MCPH1: variants seen among roughly 807,000 people sequenced by gnomAD.
MCPH1 encodes the protein microcephalin.
A neutral mutation model predicts 84.5 loss-of-function variants in MCPH1; 104 were observed. The ratio of observed to expected loss-of-function variants is 1.23; its 90% CI spans 1.05 to 1.45. The LOEUF is 1.45. Among genes scored for constraint, MCPH1 ranks in the 40% most tolerant of loss-of-function variants. MCPH1 has a pLI of 0.00. For synonymous variants in MCPH1, 514 were observed against 366.8 expected (o/e 1.40, Z -4.58); for missense variants, 1,498 against 1,005.7 (o/e 1.49, Z -6.62).
intron 13 of MCPH1, among the ~76,000 whole-genome samples, chr8:6,628,802 A>T (rs1164107317): frequency 1.3e-5 from 2 of 152,220 alleles, no homozygotes; most frequent in East Asian, 3.8e-4. Flanking sequence ...GACATAAAAG[A>T]AACTTCAAAG....
At chr8:6,640,083 TGTGTGTGTGTGTGTGCGC>T (rs1485451221) in intron 13 of MCPH1, among the ~76,000 whole-genome samples, 1 of 144,714 alleles carries the variant, frequency 6.9e-6, no homozygotes, top group Non-Finnish European at 1.5e-5. Flanking sequence ...TGTGTGTGTG[TGTGTGTGTGTGTGTGCGC>T]GCGCGTGTGT....
chr8:6,451,016 A>G (rs1805025364), intron 8 of MCPH1, among the ~76,000 whole-genome samples: 2 of 152,194 alleles, frequency 1.3e-5, no homozygotes, highest in African/African-American at 4.8e-5. Context: ...CCTATGGTAT[A>G]GTACATTTTG....
At chr8:6,425,053 C>T (rs972030625) in intron 3 of MCPH1, among the ~76,000 whole-genome samples, 7 of 152,158 alleles carry the variant, frequency 4.6e-5, no homozygotes, top group African/African-American at 1.7e-4. Context: ...CAGGATTGGC[C>T]CAGGTGAAGG....
chr8:6,507,123 C>A (rs183070734), intron 12 of MCPH1, among the ~76,000 whole-genome samples: 1 of 152,162 alleles, frequency 6.6e-6, no homozygotes, highest in Admixed American at 6.5e-5. Context: ...GTCTCAAACT[C>A]CTGACCTCAG....
intron 1 of MCPH1, 115 bp downstream of exon 1, chr8:6,406,804 G>T: frequency 1.7e-6 from 2 of 1,201,724 alleles, no homozygotes; most frequent in South Asian, 1.3e-5. Flanking sequence ...CTCCCTCGCT[G>T]CCTGTCTCCC....
intron 12 of MCPH1, chr8:6,562,552 C>CTTTTTTCTTTTTTTTTTTTTTT (rs1825703377): frequency 1.4e-5 from 1 of 71,748 alleles, no homozygotes; most frequent in Non-Finnish European, 2.6e-5. Flanking sequence ...CATCCTCCTT[C>CTTTTTTCTTTTTTTTTTTTTTT]TTTTTTTTTT....
At chr8:6,558,043 T>A (rs1824934135) in intron 12 of MCPH1, among the ~76,000 whole-genome samples, 1 of 152,172 alleles carries the variant, frequency 6.6e-6, no homozygotes, top group Non-Finnish European at 1.5e-5. Flanking sequence ...CACACGCACC[T>A]TTAGTTACCT....
At chr8:6,500,007 T>A (rs1586138115) in intron 12 of MCPH1, 78 bp downstream of exon 12, 4 of 1,246,540 alleles carry the variant, frequency 3.2e-6, no homozygotes, top group East Asian at 4.6e-5. Context: ...AGGGTGGACT[T>A]AAGTTTTTAT....
rs116769030 is a variant in MCPH1 at position 6,541,660 on chromosome 8, T to C, written c.2214+41731T>C. ...CAGCTTAGAAGATAGTAGTGATGTT[T>C]TCCCTACAGAGATAGAAGAAAATAT... On this transcript the variant is annotated intron_variant, in intron 12 of 13. Coordinates refer to ENST00000344683, the MANE Select transcript of MCPH1 (RefSeq NM_024596.5). Among the ~76,000 whole-genome samples the C allele has an allele frequency of 5.2e-3, 785 of 152,350 alleles. 6 individuals carry two copies. Among genetic ancestry groups the C allele is most frequent in the African/African-American group, 0.018 (731 of 41,580 alleles).
intron 12 of MCPH1, among the ~76,000 whole-genome samples, chr8:6,576,723 T>TTTG (rs1563148349): frequency 7.9e-5 from 8 of 101,304 alleles, no homozygotes; most frequent in African/African-American, 2.7e-4. Flanking sequence ...TTTTTTTTTT[T>TTTG]TTTTAGTAGA....
intron 12 of MCPH1, chr8:6,519,872 C>G (rs182334057): frequency 6.2e-7 from 1 of 1,613,994 alleles, no homozygotes; most frequent in East Asian, 2.2e-5. Context: ...ACCTTGATCT[C>G]TTCTGTAGAA....
chr8:6,541,142 A>G (rs940962383), intron 12 of MCPH1, among the ~76,000 whole-genome samples: 2 of 152,234 alleles, frequency 1.3e-5, no homozygotes, highest in Admixed American at 6.5e-5. Context: ...AGATGTCCTG[A>G]AGAGCAAGTT....
intron 9 of MCPH1, among the ~76,000 whole-genome samples, chr8:6,463,690 C>T (rs754027094): frequency 6.6e-6 from 1 of 152,164 alleles, no homozygotes; most frequent in African/African-American, 2.4e-5. Flanking sequence ...GACACAGATG[C>T]CTTCCTGAGC....
At chr8:6,484,621 G>C (rs1042199233) in intron 11 of MCPH1, among the ~76,000 whole-genome samples, 3 of 152,242 alleles carry the variant, frequency 2.0e-5, no homozygotes, top group Admixed American at 6.5e-5. Flanking sequence ...AAACAGCACA[G>C]CTGTCCCTCC....
rs1804382818 is a variant in MCPH1, at chr8:6,446,431, A to C, written c.1825+884A>C. On this transcript the variant is annotated intron_variant, in intron 8 of 13. Transcript: ENST00000344683. Reference sequence around the variant, plus strand: ...ATGGTAGCGTTTGAAATCATCACAGACATGTTACATACCTTTTCCTTGAGT... The same window carrying C: ...ATGGTAGCGTTTGAAATCATCACAGCCATGTTACATACCTTTTCCTTGAGT... 6.1e-6 allele frequency: 6 copies of C among 985,242 alleles called. No individual in the cohort carries two copies. In the South Asian group the frequency reaches 2.3e-4, roughly 39 times the overall value. 61.0% of individuals were successfully genotyped at this position (985,242 alleles called of 1,614,324 possible).
chr8:6,429,854 C>A (rs552483394), intron 3 of MCPH1, among the ~76,000 whole-genome samples: 4 of 152,156 alleles, frequency 2.6e-5, no homozygotes, highest in Non-Finnish European at 5.9e-5. Flanking sequence ...TGCCCACGAC[C>A]CCTCCCTCAC....
chr8:6,525,835 C>A (rs988181505), intron 12 of MCPH1, among the ~76,000 whole-genome samples: 2 of 152,128 alleles, frequency 1.3e-5, no homozygotes, highest in East Asian at 3.8e-4. Context: ...AAAGCTTATT[C>A]TTCCTACAGG....
chr8:6,531,536 C>A (rs1819517689), intron 12 of MCPH1, among the ~76,000 whole-genome samples: 1 of 152,124 alleles, frequency 6.6e-6, no homozygotes, highest in Admixed American at 6.5e-5. Flanking sequence ...AGGTGATCCA[C>A]CCATCTCGGC....
At chr8:6,506,106 C>G (rs187117872) in intron 12 of MCPH1, among the ~76,000 whole-genome samples, 1 of 150,736 alleles carries the variant, frequency 6.6e-6, no homozygotes. Flanking sequence ...TACATTGTTT[C>G]TTGGTGGTAA....
Sources: allele counts gnomAD v4.1 joint callset (sites outside exome capture counted in the v4.1 genomes callset), GRCh38; gene constraint gnomAD v4.1.1; transcripts MANE v1.5; gene names NCBI Gene and HGNC (gene_info 2026-07-23, HGNC 2026-07-21).